Variants in HECW2 observed in about 807,000 individuals in gnomAD.
The protein encoded by HECW2 is HECT, C2 and WW domain containing E3 ubiquitin protein ligase 2.
Under a neutral mutation model 175.2 loss-of-function variants are expected in HECW2, and 61 were observed. That is an observed-to-expected ratio of 0.35 (90% CI 0.28 to 0.43). HECW2 has a LOEUF of 0.43. HECW2 is among the 20% of genes least tolerant of loss of function. The probability of loss-of-function intolerance (pLI) is 1.00; values close to 1 mark genes in which losing one functional copy is unlikely to be tolerated. For synonymous variants in HECW2, 671 were observed against 731.0 expected, an observed-to-expected ratio of 0.92 and a Z score of 1.32; for missense variants, 1,524 against 2,000.5, an observed-to-expected ratio of 0.76 and a Z score of 4.54.
chr2:196,216,039 T>A (rs768442935), intron 27 of HECW2, 62 bp from the exon 28 acceptor site: 9 of 1,094,412 alleles, frequency 8.2e-6, no homozygotes, highest in Non-Finnish European at 1.3e-5. Context: ...AGGAAAGGCA[T>A]CACGTCATTC....
In HECW2 at chr2:196,319,586, G is replaced by C; in HGVS notation, c.1304C>G (p.Thr435Ser). The C allele has an allele frequency of 6.2e-7, 1 of 1,614,232 alleles. No homozygotes were observed. The highest frequency in any genetic ancestry group is 1.1e-5 in the South Asian group (1 of 91,080). Residue 435 changes from threonine to serine, a missense_variant, in exon 9 of 29, where the codon ACC (threonine) becomes AGC (serine). Thr to Ser is a moderately conservative substitution (Grantham distance 58, BLOSUM62 1). Transcript: ENST00000644978. ...HNGHSRPGTA[T>S]CSERSMGASP... Reference sequence around the variant, plus strand: ...GGCACCCATGGACCTCTCAGAGCAGGTCGCTGTCCCCGGCCTGGAGTGGCC... The same window carrying C: ...GGCACCCATGGACCTCTCAGAGCAGCTCGCTGTCCCCGGCCTGGAGTGGCC...
chr2:196,399,545 T>C (rs1469974896), intron 2 of HECW2, among the ~76,000 whole-genome samples: 1 of 152,166 alleles, frequency 6.6e-6, no homozygotes, highest in Non-Finnish European at 1.5e-5. Flanking sequence ...CCAAGTTAAG[T>C]GTGGTGTTAT....
At chr2:196,430,680 A>C (rs1695683460) in intron 2 of HECW2, among the ~76,000 whole-genome samples, 1 of 152,190 alleles carries the variant, frequency 6.6e-6, no homozygotes, top group African/African-American at 2.4e-5. Context: ...AACAGAATGA[A>C]GACAAAAAAA....
At chr2:196,556,576 T>C (rs1468982284) in intron 1 of HECW2, among the ~76,000 whole-genome samples, 1 of 152,222 alleles carries the variant, frequency 6.6e-6, no homozygotes, top group Non-Finnish European at 1.5e-5. Flanking sequence ...ATCATGTCCT[T>C]ATTAAGGTCA....
At chr2:196,564,774 T>C (rs1690120825) in intron 1 of HECW2, among the ~76,000 whole-genome samples, 1 of 152,126 alleles carries the variant, frequency 6.6e-6, no homozygotes, top group African/African-American at 2.4e-5. Context: ...ACTTAACTTA[T>C]CCTTGGAGTT....
Position 196,328,066 on chromosome 2 carries a change from A to T in HECW2, c.571+1509T>A, listed in dbSNP as rs113083213. On this transcript the variant is annotated intron_variant, in intron 5 of 28. Coordinates refer to ENST00000644978, the MANE Select transcript of HECW2 (RefSeq NM_001348768.2). Reference sequence around the variant, plus strand: ...ACATCATGCTGTACACCATAAAAAAATTTTTTTTACCTGTAAATTAAAAAA... The same window carrying T: ...ACATCATGCTGTACACCATAAAAAATTTTTTTTTACCTGTAAATTAAAAAA... Among the ~76,000 whole-genome samples the T allele has an allele frequency of 1.5e-3, 231 of 151,300 alleles. 1 individual carries two copies. Among genetic ancestry groups the T allele is most frequent in the African/African-American group, 4.6e-3 (189 of 41,268 alleles).
chr2:196,521,520 T>C (rs1688385901), intron 1 of HECW2, among the ~76,000 whole-genome samples: 1 of 151,758 alleles, frequency 6.6e-6, no homozygotes, highest in African/African-American at 2.4e-5. Context: ...TTAGGGTACA[T>C]GTGCACATTG....
At chr2:196,292,315 G>A (rs1327623878) in intron 14 of HECW2, 1 of 425,810 alleles carries the variant, frequency 2.3e-6, no homozygotes, top group East Asian at 3.7e-5. Flanking sequence ...ACAGGTAGGA[G>A]AGTTTCCAGG....
intron 1 of HECW2, among the ~76,000 whole-genome samples, chr2:196,573,619 C>T (rs1254599006): frequency 1.3e-5 from 2 of 152,090 alleles, no homozygotes; most frequent in Non-Finnish European, 2.9e-5. Flanking sequence ...GGACCTGACT[C>T]AGTGCCCACT....
At chr2:196,395,798 AG>A in intron 2 of HECW2, among the ~76,000 whole-genome samples, 1 of 152,202 alleles carries the variant, frequency 6.6e-6, no homozygotes, top group South Asian at 2.1e-4. Context: ...GAAATGGTGC[AG>A]CTGCTATGAA....
intron 1 of HECW2, among the ~76,000 whole-genome samples, chr2:196,576,857 C>T (rs1690579838): frequency 6.6e-6 from 1 of 151,784 alleles, no homozygotes; most frequent in Non-Finnish European, 1.5e-5. Flanking sequence ...CTCAATAAAG[C>T]TGGAAAAAGG....
At chr2:196,529,334 T>C (rs1484872992) in intron 1 of HECW2, among the ~76,000 whole-genome samples, 2 of 152,174 alleles carry the variant, frequency 1.3e-5, no homozygotes, top group African/African-American at 4.8e-5. Context: ...TGTTTGGTAA[T>C]AGGAACTCAT....
At chr2:196,302,578 T>G (rs1432750111) in intron 13 of HECW2, among the ~76,000 whole-genome samples, 1 of 152,168 alleles carries the variant, frequency 6.6e-6, no homozygotes, top group Admixed American at 6.5e-5. Context: ...TGTTTGTGTC[T>G]TCTCTGATTT....
In HECW2 at chr2:196,250,240, A is replaced by T. The variant is rs571210747; in HGVS notation, c.3529+3680T>A. 3.3e-5 allele frequency among the ~76,000 whole-genome samples: 5 copies of T among 152,366 alleles called. No homozygotes were observed. In the East Asian group the frequency reaches 9.6e-4, roughly 29 times the overall value. The stretch of plus-strand genomic sequence containing the variant: ...AAAGGGATGGTCCACTTTAAACCCC[A>T]GCATAGGCTCTTACTAAGATAAAGT... On this transcript the variant is annotated intron_variant, in intron 19 of 28. Transcript: ENST00000644978.
intron 1 of HECW2, among the ~76,000 whole-genome samples, chr2:196,575,604 A>T (rs1690533406): frequency 6.6e-6 from 1 of 152,228 alleles, no homozygotes; most frequent in African/African-American, 2.4e-5. Context: ...CATTTAACAT[A>T]GACAATGGGC....
intron 2 of HECW2, among the ~76,000 whole-genome samples, chr2:196,410,010 C>T (rs1192526901): frequency 6.6e-6 from 1 of 152,054 alleles, no homozygotes; most frequent in East Asian, 1.9e-4. Context: ...GGTATATGGG[C>T]AATGAATAAC....
At chr2:196,286,561 C>T (rs924230120) in intron 14 of HECW2, among the ~76,000 whole-genome samples, 2 of 152,116 alleles carry the variant, frequency 1.3e-5, no homozygotes, top group Non-Finnish European at 2.9e-5. Flanking sequence ...CAAAAAGGTA[C>T]ACAACCCCTA....
Position 196,589,194 on chromosome 2 carries a change from GT to G in HECW2, c.-36+4313del, listed in dbSNP as rs372035724. On this transcript the variant is annotated intron_variant, in intron 1 of 28. Transcript: ENST00000644978. ...AGTCTGGGCAACGGAGTGAGACCCT[GT>G]CTCAAAAAATAAATAAATAAATAAA... 7.2e-5 allele frequency among the ~76,000 whole-genome samples: 11 copies of G among 152,212 alleles called. No homozygotes were observed. The East Asian group carries it at 2.1e-3, about 29-fold the overall frequency.
At position 196,274,098 on chromosome 2, in the gene HECW2, C is replaced by T; in HGVS notation, c.3161G>A (p.Gly1054Glu). The T allele has an allele frequency of 1.2e-6, 2 of 1,614,054 alleles. No individual in the cohort carries two copies. The highest frequency in any genetic ancestry group is 1.7e-6 in the Non-Finnish European group (2 of 1,179,906). ...GGATGGCCTGGGAAGAACTGGTGGT[C>T]CTGCATGTCGAGAATCTTCTCCTAC... ...GEVGEDSRHA[G>E]PPVLPRPSST... The change falls in exon 16 of 29, where the codon GGA becomes GAA. Residue 1054 changes from glycine (G) to glutamate (E), a missense_variant. Gly to Glu is a moderately conservative substitution (Grantham distance 98, BLOSUM62 -2). Transcript: ENST00000644978.
Sources: gnomAD v4.1 joint callset for allele counts (sites outside exome capture counted in the v4.1 genomes callset) on GRCh38, gnomAD v4.1.1 for gene constraint, MANE v1.5 for transcripts, NCBI Gene and HGNC (gene_info 2026-07-23, HGNC 2026-07-21) for gene names.